TCEANC2: variants seen among roughly 807,000 people sequenced by gnomAD.
The protein encoded by TCEANC2 is transcription elongation factor A N-terminal and central domain containing 2.
In TCEANC2, 20 loss-of-function variants were observed where a neutral mutation model predicts 22.8. The observed-to-expected ratio is 0.88, with a 90% CI of 0.62 to 1.28. TCEANC2 has a LOEUF of 1.28. TCEANC2 is among the 50% of genes most tolerant of loss of function. TCEANC2 has a pLI of 0.00. For missense variants in TCEANC2, 251 were observed against 249.7 expected, an observed-to-expected ratio of 1.01 and a Z score of -0.03; for synonymous variants, 84 against 95.5, an observed-to-expected ratio of 0.88 and a Z score of 0.70.
chr1:54,088,182 A>C (rs1401312915), intron 3 of TCEANC2, among the ~76,000 whole-genome samples: 2 of 152,200 alleles, frequency 1.3e-5, no homozygotes, highest in Non-Finnish European at 2.9e-5. Context: ...AAATGTTCTC[A>C]TTCTGTCAGT....
intron 3 of TCEANC2, among the ~76,000 whole-genome samples, chr1:54,078,217 A>G (rs935498138): frequency 7.9e-5 from 12 of 152,004 alleles, no homozygotes; most frequent in African/African-American, 2.9e-4. Context: ...TTTTTCTTAT[A>G]TATTTCTATG....
At chr1:54,071,890 C>T (rs879348129) in intron 3 of TCEANC2, among the ~76,000 whole-genome samples, 7 of 152,050 alleles carry the variant, frequency 4.6e-5, no homozygotes, top group African/African-American at 9.7e-5. Flanking sequence ...CAGCTCACCG[C>T]AGCCTTGACC....
chr1:54,069,859 A>G (rs561567052), intron 3 of TCEANC2, among the ~76,000 whole-genome samples: 1 of 152,334 alleles, frequency 6.6e-6, no homozygotes, highest in South Asian at 2.1e-4. Context: ...TTGCCATTTT[A>G]GTACAGTACA....
At position 54,096,344 on chromosome 1, in the gene TCEANC2, C is replaced by G. The variant is rs778093888; in HGVS notation, c.498C>G (p.Leu166=). The G allele has an allele frequency of 7.5e-6, 12 of 1,609,798 alleles. No homozygotes were observed. Among genetic ancestry groups the G allele is most frequent in the South Asian group, 1.1e-5 (1 of 91,004 alleles). ...AAACGTTTCATCTCTGCTCCCGCCT[C>G]ATTAATGGGCCGTACCGGCGGACGG... The part of the protein sequence containing the change: ...ERETFHLCSR[L]INGPYRRTVR... Residue 166 remains leucine (L), a synonymous_variant, in exon 5 of 5, where the codon CTC becomes CTG. Transcript: ENST00000234827. The surrounding 1 kb of genome is among the most constrained non-coding windows in gnomAD (Gnocchi z 4.9).
rs973039268 is a variant in TCEANC2 at position 54,101,512 on chromosome 1, A to C, written c.*5039A>C. On this transcript the variant is annotated 3_prime_UTR_variant, in exon 5 of 5. Coordinates refer to ENST00000234827, the MANE Select transcript of TCEANC2 (RefSeq NM_153035.3). ...ATGTTGATAAAATCATTCTTTCAATACATATTTGTTGAGTTCTTACGTGTC... is the reference window on the plus strand; with the variant it reads ...ATGTTGATAAAATCATTCTTTCAATCCATATTTGTTGAGTTCTTACGTGTC... 1 of 152,210 alleles carries C rather than the reference A, an allele frequency of 6.6e-6. No individual in the cohort carries two copies. Among genetic ancestry groups the C allele is most frequent in the Non-Finnish European group, 1.5e-5 (1 of 68,034 alleles). The allele number at this position is 152,210 out of a possible 1,614,324, so 9.4% of individuals were successfully genotyped here. A position where few individuals can be genotyped will look rare whatever the true frequency, so the allele number is the denominator to read the frequency against.
chr1:54,096,386 C>T lies in TCEANC2; in HGVS notation c.540C>T (p.Phe180=), dbSNP rs552503922. 35 of 1,613,628 alleles carry T rather than the reference C, an allele frequency of 2.2e-5. No homozygotes were observed. In the South Asian group the frequency reaches 3.5e-4, roughly 16 times the overall value. The change falls in exon 5 of 5, where the codon TTC becomes TTT. Residue 180 remains phenylalanine, a synonymous_variant. Coordinates refer to ENST00000234827, the MANE Select transcript of TCEANC2 (RefSeq NM_153035.3). The surrounding 1 kb of genome is among the most constrained non-coding windows in gnomAD (Gnocchi z 4.9). Reference sequence around the variant, plus strand: ...GGCGGACGGTGAGAGCCCTGGTCTTCACATTAAAGCACCGAGCTGAAATCC... The same window carrying T: ...GGCGGACGGTGAGAGCCCTGGTCTTTACATTAAAGCACCGAGCTGAAATCC... ...PYRRTVRALV[F]TLKHRAEIRA...
downstream of TCEANC2, among the ~76,000 whole-genome samples, chr1:54,110,818 G>C (rs114810130): frequency 1.3e-5 from 2 of 151,996 alleles, no homozygotes; most frequent in Middle Eastern, 3.2e-3. Context: ...TGGGGCAGCT[G>C]CATGCACTCT....
intron 4 of TCEANC2, among the ~76,000 whole-genome samples, chr1:54,092,343 TA>T (rs561081702): frequency 5.4e-4 from 82 of 152,270 alleles, no homozygotes; most frequent in Non-Finnish European, 1.0e-3. Context: ...TATCAACACA[TA>T]AAGTGCAGAG....
At chr1:54,076,567 G>C (rs1658146448) in intron 3 of TCEANC2, among the ~76,000 whole-genome samples, 1 of 152,012 alleles carries the variant, frequency 6.6e-6, no homozygotes, top group Non-Finnish European at 1.5e-5. Context: ...AGTGAAGGTG[G>C]GTATCTTCTT....
In TCEANC2 at chr1:54,096,986, C is replaced by A; in HGVS notation, c.*513C>A. The A allele has an allele frequency of 1.0e-6, 1 of 986,122 alleles. No homozygotes were observed. The allele number at this position is 986,122 out of a possible 1,614,324, so 61.1% of individuals were successfully genotyped here. The stretch of plus-strand genomic sequence containing the variant: ...GCCTGCGAGAGCCAGCCAACTACCC[C>A]TTCTTCCCAGAGCTCACTTATCTGA... On this transcript the variant is annotated 3_prime_UTR_variant, in exon 5 of 5. Transcript: ENST00000234827. The surrounding 1 kb of genome is among the most constrained non-coding windows in gnomAD (Gnocchi z 4.9).
intron 4 of TCEANC2, among the ~76,000 whole-genome samples, chr1:54,094,962 G>A (rs983875765): frequency 3.3e-5 from 5 of 152,136 alleles, no homozygotes; most frequent in African/African-American, 1.2e-4. Context: ...AACATAGCAA[G>A]ACCCCATCTC....
chr1:54,062,661 G>A (rs531833807), intron 2 of TCEANC2, among the ~76,000 whole-genome samples: 2 of 152,218 alleles, frequency 1.3e-5, no homozygotes, highest in African/African-American at 4.8e-5. Context: ...ATGGTAAAAT[G>A]TGGTAAAGGA....
At chr1:54,073,010 A>G (rs1300655150) in intron 3 of TCEANC2, among the ~76,000 whole-genome samples, 1 of 151,810 alleles carries the variant, frequency 6.6e-6, no homozygotes, top group African/African-American at 2.4e-5. Flanking sequence ...CTGACTCCCA[A>G]GCCGGAGTGC....
intron 2 of TCEANC2, among the ~76,000 whole-genome samples, chr1:54,057,617 C>G (rs901205768): frequency 4.6e-5 from 7 of 152,218 alleles, no homozygotes; most frequent in African/African-American, 1.7e-4. Flanking sequence ...GTCTCCCTGC[C>G]TTTGACATCC....
downstream of TCEANC2, among the ~76,000 whole-genome samples, chr1:54,108,471 C>T (rs1233180961): frequency 6.6e-6 from 1 of 152,200 alleles, no homozygotes; most frequent in African/African-American, 2.4e-5. Context: ...ATGCAGACAG[C>T]ACACAGACCA....
At chr1:54,070,916 G>C (rs1658044301) in intron 3 of TCEANC2, among the ~76,000 whole-genome samples, 1 of 152,198 alleles carries the variant, frequency 6.6e-6, no homozygotes, top group African/African-American at 2.4e-5. Flanking sequence ...AATGTGATGA[G>C]TGCTCTGATG....
intron 3 of TCEANC2, among the ~76,000 whole-genome samples, chr1:54,071,698 A>T (rs893548989): frequency 4.6e-5 from 7 of 152,184 alleles, no homozygotes; most frequent in Non-Finnish European, 1.5e-5. Context: ...TTGAAGCCTA[A>T]CTTGTAGACT....
intron 3 of TCEANC2, among the ~76,000 whole-genome samples, chr1:54,078,849 TAG>T (rs1267012873): frequency 1.3e-5 from 2 of 152,140 alleles, no homozygotes; most frequent in Non-Finnish European, 2.9e-5. Flanking sequence ...GAAGTGTGGT[TAG>T]ACAGGACGAG....
chr1:54,089,095 C>T (rs937471956), intron 4 of TCEANC2, among the ~76,000 whole-genome samples: 7 of 152,188 alleles, frequency 4.6e-5, no homozygotes, highest in Non-Finnish European at 1.0e-4. Context: ...GATAGCTTAA[C>T]GTTTTCTGAG....
Sources: gnomAD v4.1 joint callset for allele counts (sites outside exome capture counted in the v4.1 genomes callset) on GRCh38, gnomAD v4.1.1 for gene constraint, Gnocchi (gnomAD v3.1) non-coding constraint, MANE v1.5 for transcripts, NCBI Gene and HGNC (gene_info 2026-07-23, HGNC 2026-07-21) for gene names.